Variants in DNAJC6 observed in about 807,000 individuals in gnomAD.
DNAJC6 encodes DnaJ heat shock protein family (Hsp40) member C6.
In DNAJC6, 34 loss-of-function variants were observed where a neutral mutation model predicts 110.0. That is an observed-to-expected ratio of 0.31 (90% CI 0.24 to 0.41). The LOEUF is 0.41. DNAJC6 is among the 10% of genes least tolerant of loss of function. DNAJC6 has a pLI of 1.00. For missense variants in DNAJC6, 1,031 were observed against 1,207.8 expected, an observed-to-expected ratio of 0.85 and a Z score of 2.17; for synonymous variants, 406 against 437.2, an observed-to-expected ratio of 0.93 and a Z score of 0.89.
Position 65,406,461 on chromosome 1 carries a change from A to C in DNAJC6, c.2491+328A>C, listed in dbSNP as rs775504592. ...ATTAGCACCTAGCATAGTGCTTGGC[A>C]TAGGGTAGGCACTAAATGAATGTTG... On this transcript the variant is annotated intron_variant, in intron 16 of 18. Coordinates refer to ENST00000371069, the MANE Select transcript of DNAJC6 (RefSeq NM_001256864.2). Among the ~76,000 whole-genome samples, 3 of 152,314 alleles carry C rather than the reference A, an allele frequency of 2.0e-5. No homozygotes were observed. The South Asian group carries it at 6.2e-4, about 32-fold the overall frequency.
At chr1:65,409,129 G>T (rs1646104048) in intron 17 of DNAJC6, among the ~76,000 whole-genome samples, 1 of 152,064 alleles carries the variant, frequency 6.6e-6, no homozygotes, top group South Asian at 2.1e-4. Flanking sequence ...TTTATAAGAG[G>T]TCTGTCTCAT....
At chr1:65,302,173 TAC>T (rs1644991026) in intron 1 of DNAJC6, among the ~76,000 whole-genome samples, 1 of 142,654 alleles carries the variant, frequency 7.0e-6, no homozygotes, top group African/African-American at 2.6e-5. Flanking sequence ...TATTATATTA[TAC>T]ATTTATATAT....
intron 1 of DNAJC6, among the ~76,000 whole-genome samples, chr1:65,272,158 A>G (rs1006171799): frequency 6.6e-6 from 1 of 152,146 alleles, no homozygotes; most frequent in Non-Finnish European, 1.5e-5. Flanking sequence ...AAGCTATCAC[A>G]TTTTCACCAT....
At chr1:65,285,022 G>A (rs1326951014) in intron 1 of DNAJC6, among the ~76,000 whole-genome samples, 1 of 152,058 alleles carries the variant, frequency 6.6e-6, no homozygotes, top group African/African-American at 2.4e-5. Flanking sequence ...TTTTCCATCT[G>A]GTTCCTGCAT....
upstream of DNAJC6, among the ~76,000 whole-genome samples, chr1:65,305,242 G>A (rs938553959): frequency 1.3e-5 from 2 of 152,230 alleles, no homozygotes; most frequent in African/African-American, 4.8e-5. Flanking sequence ...AGATGTCACA[G>A]TGTATAGGAC....
At chr1:65,370,538 A>G (rs1427298067) in intron 4 of DNAJC6, among the ~76,000 whole-genome samples, 1 of 152,190 alleles carries the variant, frequency 6.6e-6, no homozygotes. Flanking sequence ...AAGCTGGATG[A>G]ATGTACACTA....
At position 65,323,743 on chromosome 1, in the gene DNAJC6, C is replaced by T. The variant is rs181334830; in HGVS notation, c.193+13805C>T. The stretch of plus-strand genomic sequence containing the variant: ...CCAAGTAGCTGGGATTACAAGACTG[C>T]GACACCATGCCCAGCTAATTTTTAA... On this transcript the variant is annotated intron_variant, in intron 1 of 18. Coordinates refer to ENST00000371069, the MANE Select transcript of DNAJC6 (RefSeq NM_001256864.2). Among the ~76,000 whole-genome samples, 212 of 152,158 alleles carry T rather than the reference C, an allele frequency of 1.4e-3. 2 individuals carry two copies. Among genetic ancestry groups the T allele is most frequent in the African/African-American group, 4.6e-3 (193 of 41,510 alleles).
intron 1 of DNAJC6, among the ~76,000 whole-genome samples, chr1:65,326,338 C>G (rs1439133589): frequency 1.3e-5 from 2 of 152,110 alleles, no homozygotes; most frequent in African/African-American, 4.8e-5. Flanking sequence ...AGACAGGGTG[C>G]TCTATGAGGG....
At chr1:65,390,010 C>T (rs1292956993) in intron 11 of DNAJC6, among the ~76,000 whole-genome samples, 1 of 152,184 alleles carries the variant, frequency 6.6e-6, no homozygotes, top group Admixed American at 6.5e-5. Flanking sequence ...AAAACTCCAT[C>T]TCTAAAAAAT....
rs1646072867 is a variant in DNAJC6, at chr1:65,406,034, A to G, written c.2392A>G (p.Met798Val). Residue 798 changes from methionine to valine, a missense_variant, in exon 16 of 19, where the codon ATG (methionine) becomes GTG (valine). By Grantham distance (21) the Met-to-Val change is conservative. Coordinates refer to ENST00000371069, the MANE Select transcript of DNAJC6 (RefSeq NM_001256864.2). ...QQPQPKPQPS[M>V]PHSSPQNRPN... is the part of the protein sequence containing the mutation. ...GCCACAGCCTAAGCCTCAGCCCAGC[A>G]TGCCCCACTCCTCTCCCCAGAACCG... The G allele has an allele frequency of 1.9e-6, 3 of 1,614,032 alleles. No homozygotes were observed. Among genetic ancestry groups the G allele is most frequent in the South Asian group, 2.2e-5 (2 of 91,090 alleles).
intron 1 of DNAJC6, among the ~76,000 whole-genome samples, chr1:65,351,820 C>T (rs534341868): frequency 7.9e-5 from 12 of 152,214 alleles, no homozygotes; most frequent in African/African-American, 2.6e-4. Flanking sequence ...GGCTGGAGTG[C>T]AGTGGCGCGA....
At chr1:65,316,454 T>C (rs965526173) in intron 1 of DNAJC6, among the ~76,000 whole-genome samples, 4 of 152,206 alleles carry the variant, frequency 2.6e-5, no homozygotes, top group Admixed American at 2.0e-4. Flanking sequence ...TCTCATCACA[T>C]TGAGTTGTGA....
intron 15 of DNAJC6, among the ~76,000 whole-genome samples, chr1:65,405,115 G>A (rs1646063127): frequency 6.6e-6 from 1 of 152,034 alleles, no homozygotes; most frequent in Non-Finnish European, 1.5e-5. Context: ...TCATATTTTG[G>A]ACATAGCCCA....
exon 1 of DNAJC6, chr1:65,264,919 T>C (rs950568157): frequency 1.2e-6 from 2 of 1,613,106 alleles, no homozygotes; most frequent in South Asian, 1.1e-5. Flanking sequence ...GAATGAAAGA[T>C]TCTGAAAATA....
Position 65,379,503 on chromosome 1 carries a change from T to A in DNAJC6, c.645T>A (p.Asn215Lys). ...ACTGGCTACTGCAGAATCCCAAAAA[T>A]GTCTGTGTTGTCCACTGCTTGGTGA... ...MYNWLLQNPK[N>K]VCVVHCLDGR... is the part of the protein sequence containing the mutation. The change falls in exon 5 of 19, where the codon AAT becomes AAA. Residue 215 changes from asparagine (N) to lysine (K), a missense_variant. Asn to Lys is a moderately conservative substitution (Grantham distance 94). Coordinates refer to ENST00000371069, the MANE Select transcript of DNAJC6 (RefSeq NM_001256864.2). 6.2e-7 allele frequency: 1 copy of A among 1,614,074 alleles called. No homozygotes were observed. The highest frequency in any genetic ancestry group is 8.5e-7 in the Non-Finnish European group (1 of 1,179,954).
At chr1:65,393,151 T>TAA (rs2101615169) in intron 12 of DNAJC6, among the ~76,000 whole-genome samples, 1 of 152,332 alleles carries the variant, frequency 6.6e-6, no homozygotes, top group African/African-American at 2.4e-5. Context: ...TTAGTCTGCT[T>TAA]AAACATACTG....
chr1:65,364,522 C>T (rs1645626705), intron 1 of DNAJC6, 113 bp from the exon 2 acceptor site: 5 of 1,223,506 alleles, frequency 4.1e-6, no homozygotes, highest in Non-Finnish European at 5.6e-6. Flanking sequence ...GAATATCTGT[C>T]CCAGACTCTT....
At chr1:65,351,092 GT>G (rs1197330606) in intron 1 of DNAJC6, among the ~76,000 whole-genome samples, 1 of 152,010 alleles carries the variant, frequency 6.6e-6, no homozygotes, top group East Asian at 1.9e-4. Flanking sequence ...CTTCTTAGTA[GT>G]TTTTGTATTT....
intron 1 of DNAJC6, among the ~76,000 whole-genome samples, chr1:65,266,141 CA>C (rs1051901663): frequency 1.3e-5 from 2 of 152,236 alleles, no homozygotes; most frequent in African/African-American, 4.8e-5. Flanking sequence ...ACGCAGGCCC[CA>C]AAGCTCTCTG....
Sources: gnomAD v4.1 joint callset for allele counts (sites outside exome capture counted in the v4.1 genomes callset) on GRCh38, gnomAD v4.1.1 for gene constraint, MANE v1.5 for transcripts, NCBI Gene and HGNC (gene_info 2026-07-23, HGNC 2026-07-21) for gene names.